The following PID1 variants were observed in gnomAD, a reference collection of about 807,000 sequenced individuals.
PID1 encodes PTB-containing, cubilin and LRP1-interacting protein.
PID1 carries 10 observed loss-of-function variants against 19.1 expected under a neutral mutation model. The observed-to-expected ratio is 0.52, with a 90% confidence interval of 0.32 to 0.89. PID1 has a LOEUF of 0.89. Ranked by LOEUF, PID1 falls within the 40% of genes least tolerant of loss-of-function variation. PID1 has a pLI of 0.03. For synonymous variants in PID1, 130 were observed against 116.0 expected (o/e 1.12, Z -0.78); for missense variants, 248 against 285.3 (o/e 0.87, Z 0.94).
At chr2:229,033,391 T>C (rs1693595924) in intron 2 of PID1, among the ~76,000 whole-genome samples, 1 of 152,162 alleles carries the variant, frequency 6.6e-6, no homozygotes, top group Non-Finnish European at 1.5e-5. Flanking sequence ...TAGAGGTCTC[T>C]CTTGAGATAT....
rs549092623 is a variant in PID1 at position 229,102,797 on chromosome 2, C to T, written c.177+53021G>A. 3.9e-5 allele frequency among the ~76,000 whole-genome samples: 6 copies of T among 152,320 alleles called. No homozygotes were observed. In the South Asian group the frequency reaches 6.2e-4, roughly 16 times the overall value. On this transcript the variant is annotated intron_variant, in intron 2 of 2. Coordinates refer to ENST00000392055, the MANE Select transcript of PID1 (RefSeq NM_001100818.2). ...GTGGGCAGAGCCAGTCACAGAGTGC[C>T]CTGGAAGGATCCAAGCCCAGCAAAG...
intron 2 of PID1, among the ~76,000 whole-genome samples, chr2:229,067,863 C>T (rs1160499170): frequency 1.3e-5 from 2 of 152,180 alleles, no homozygotes; most frequent in Non-Finnish European, 2.9e-5. Flanking sequence ...TCATGCTATT[C>T]CAGCTACTGG....
chr2:229,223,884 T>A (rs569593118), intron 1 of PID1, among the ~76,000 whole-genome samples: 1 of 152,174 alleles, frequency 6.6e-6, no homozygotes, highest in Non-Finnish European at 1.5e-5. Flanking sequence ...ATCGCCCAAA[T>A]AGTGGACATA....
At chr2:229,127,336 A>C (rs1382916419) in intron 2 of PID1, among the ~76,000 whole-genome samples, 2 of 152,156 alleles carry the variant, frequency 1.3e-5, no homozygotes, top group Non-Finnish European at 2.9e-5. Flanking sequence ...AAAACTGGCC[A>C]CACTGAGAAT....
intron 1 of PID1, among the ~76,000 whole-genome samples, chr2:229,270,376 A>G (rs1035189913): frequency 2.6e-5 from 4 of 152,206 alleles, no homozygotes; most frequent in African/African-American, 4.8e-5. Flanking sequence ...AATCCAATTC[A>G]AGGCAGTCTG....
intron 1 of PID1, among the ~76,000 whole-genome samples, chr2:229,174,945 T>C (rs1036205685): frequency 6.6e-6 from 1 of 152,180 alleles, no homozygotes. Flanking sequence ...TTCCACTTGC[T>C]GAACACTAAG....
intron 1 of PID1, among the ~76,000 whole-genome samples, chr2:229,248,699 CTATT>C (rs1690066651): frequency 1.3e-5 from 2 of 152,052 alleles, no homozygotes; most frequent in East Asian, 1.9e-4. Flanking sequence ...CCTTTCTTAT[CTATT>C]TATTTGTTTG....
intron 2 of PID1, among the ~76,000 whole-genome samples, chr2:229,110,691 T>C (rs529565700): frequency 2.0e-5 from 3 of 152,212 alleles, no homozygotes; most frequent in Non-Finnish European, 2.9e-5. Context: ...ATGCTATATA[T>C]GATAATATCT....
At position 229,239,127 on chromosome 2, in the gene PID1, T is replaced by C. The variant is rs143464054; in HGVS notation, c.30+31887A>G. Among the ~76,000 whole-genome samples, 1,185 of 152,200 alleles carry C rather than the reference T, an allele frequency of 7.8e-3. 8 individuals are homozygous for C. Among genetic ancestry groups the C allele is most frequent in the Non-Finnish European group, 0.011 (772 of 67,996 alleles). On this transcript the variant is annotated intron_variant, in intron 1 of 2. Coordinates refer to ENST00000392055, the MANE Select transcript of PID1 (RefSeq NM_001100818.2). ...ATAGAGAACAAGTTCTCAAACTTCA[T>C]AGAGCCTCAGAATCTCTGGGAAAGC... is the stretch of plus-strand genomic sequence containing the variant.
chr2:229,220,902 T>C (rs1015592430), intron 1 of PID1, among the ~76,000 whole-genome samples: 3 of 152,002 alleles, frequency 2.0e-5, no homozygotes, highest in South Asian at 4.1e-4. Flanking sequence ...CTTGATATTT[T>C]AGTGAAAAAA....
chr2:229,092,068 C>T (rs1288641123), intron 2 of PID1, among the ~76,000 whole-genome samples: 1 of 112,064 alleles, frequency 8.9e-6, no homozygotes, highest in East Asian at 2.1e-4. Context: ...TCCTGGCTTG[C>T]ACTGATTTCT....
intron 1 of PID1, among the ~76,000 whole-genome samples, chr2:229,157,471 G>A (rs1385872107): frequency 1.3e-5 from 2 of 151,254 alleles, no homozygotes; most frequent in Non-Finnish European, 2.9e-5. Context: ...TTTTGAACTT[G>A]TATTCTGTAA....
intron 1 of PID1, among the ~76,000 whole-genome samples, chr2:229,200,335 G>A (rs1319325765): frequency 1.3e-5 from 2 of 151,926 alleles, no homozygotes; most frequent in Non-Finnish European, 2.9e-5. Flanking sequence ...TGCTTGGGGG[G>A]AGTGCATCCC....
intron 1 of PID1, among the ~76,000 whole-genome samples, chr2:229,227,596 C>A (rs536392858): frequency 6.6e-6 from 1 of 152,284 alleles, no homozygotes; most frequent in East Asian, 1.9e-4. Context: ...GCAAGCCCAC[C>A]ATCAAACAGG....
intron 1 of PID1, among the ~76,000 whole-genome samples, chr2:229,259,057 GT>G (rs35065323): frequency 0.011 from 1,459 of 136,942 alleles, 8 homozygotes; most frequent in African/African-American, 0.022. Flanking sequence ...CAAGGTCGTA[GT>G]TTTTTTTTTT....
At chr2:229,121,239 T>C (rs1012902153) in intron 2 of PID1, among the ~76,000 whole-genome samples, 5 of 152,006 alleles carry the variant, frequency 3.3e-5, no homozygotes, top group African/African-American at 1.2e-4. Flanking sequence ...CTGGTGGGAG[T>C]ACCACATGGG....
chr2:229,109,857 C>T (rs968079396), intron 2 of PID1, among the ~76,000 whole-genome samples: 1 of 152,202 alleles, frequency 6.6e-6, no homozygotes, highest in Non-Finnish European at 1.5e-5. Flanking sequence ...CAGATTCAAT[C>T]ACTGCAGCTA....
intron 2 of PID1, among the ~76,000 whole-genome samples, chr2:229,154,410 G>C (rs1690322966): frequency 6.6e-6 from 1 of 152,016 alleles, no homozygotes; most frequent in African/African-American, 2.4e-5. Flanking sequence ...TCTCCTGCAG[G>C]TTCTTCACAA....
chr2:229,179,321 C>T (rs1010119327), intron 1 of PID1, among the ~76,000 whole-genome samples: 2 of 152,126 alleles, frequency 1.3e-5, no homozygotes, highest in African/African-American at 4.8e-5. Flanking sequence ...CTACAGAAAA[C>T]AGAGCCCTTC....
Sources: gnomAD v4.1 joint callset for allele counts (sites outside exome capture counted in the v4.1 genomes callset) on GRCh38, gnomAD v4.1.1 for gene constraint, MANE v1.5 for transcripts, NCBI Gene and HGNC (gene_info 2026-07-23, HGNC 2026-07-21) for gene names.